Variants in EHMT1 observed in about 807,000 individuals in gnomAD.
EHMT1 encodes histone-lysine N-methyltransferase EHMT1.
A neutral mutation model predicts 147.2 loss-of-function variants in EHMT1; 15 were observed. That is an observed-to-expected ratio of 0.10 (90% CI 0.07 to 0.16). The LOEUF is 0.16. EHMT1 is among the 10% of genes least tolerant of loss of function. EHMT1 has a pLI of 1.00. For synonymous variants in EHMT1, 795 were observed against 709.6 expected (o/e 1.12, Z -1.91); for missense variants, 1,587 against 1,772.4 (o/e 0.90, Z 1.88).
intron 18 of EHMT1, among the ~76,000 whole-genome samples, chr9:137,806,342 C>T (rs565082337): frequency 6.6e-6 from 1 of 152,258 alleles, no homozygotes; most frequent in East Asian, 1.9e-4. Context: ...CGCTTCTCCA[C>T]CTTGGTGGGC....
At chr9:137,746,534 A>G (rs1175967685) in intron 6 of EHMT1, 2 of 152,238 alleles carry the variant, frequency 1.3e-5, no homozygotes, top group East Asian at 3.8e-4. Flanking sequence ...TTGATTTTGA[A>G]TGAATTGATG....
intron 12 of EHMT1, 48 bp from the exon 13 acceptor site, chr9:137,777,834 C>T (rs751839876): frequency 4.4e-6 from 7 of 1,608,066 alleles, no homozygotes; most frequent in Non-Finnish European, 5.9e-6. Context: ...TCGGAACAGG[C>T]CATGTTTCGT....
intron 3 of EHMT1, among the ~76,000 whole-genome samples, chr9:137,727,050 GA>G (rs1203164692): frequency 2.2e-4 from 33 of 152,078 alleles, no homozygotes; most frequent in African/African-American, 7.5e-4. Flanking sequence ...ATGTATTCTG[GA>G]TAATAATTCC....
intron 1 of EHMT1, among the ~76,000 whole-genome samples, chr9:137,691,918 C>A (rs758271695): frequency 6.6e-6 from 1 of 152,196 alleles, no homozygotes; most frequent in Non-Finnish European, 1.5e-5. Flanking sequence ...GGCCCTGGTT[C>A]TCTCATTTCC....
intron 1 of EHMT1, among the ~76,000 whole-genome samples, chr9:137,691,334 T>G (rs990501284): frequency 6.7e-6 from 1 of 149,456 alleles, no homozygotes; most frequent in African/African-American, 2.5e-5. Context: ...TAAAATATAT[T>G]TTTTTTTCTT....
At chr9:137,694,442 C>G (rs985006419) in intron 1 of EHMT1, among the ~76,000 whole-genome samples, 2 of 152,194 alleles carry the variant, frequency 1.3e-5, no homozygotes, top group East Asian at 3.8e-4. Flanking sequence ...GCGCAGGACG[C>G]TGGGACTGGA....
chr9:137,674,213 G>A (rs896619701), intron 1 of EHMT1, among the ~76,000 whole-genome samples: 2 of 152,172 alleles, frequency 1.3e-5, no homozygotes, highest in Admixed American at 6.5e-5. Context: ...GTGGTGGGGC[G>A]AGGGGGGCTG....
At chr9:137,714,097 G>C (rs1944984022) in intron 2 of EHMT1, among the ~76,000 whole-genome samples, 1 of 152,098 alleles carries the variant, frequency 6.6e-6, no homozygotes, top group African/African-American at 2.4e-5. Flanking sequence ...GGCTCATTTG[G>C]TTTCTTCCAT....
chr9:137,628,706 T>C (rs1843424634), intron 1 of EHMT1, among the ~76,000 whole-genome samples: 1 of 152,212 alleles, frequency 6.6e-6, no homozygotes, highest in South Asian at 2.1e-4. Flanking sequence ...GTCGGAAGGT[T>C]CTGGAGTCAT....
At chr9:137,717,741 G>A (rs550238709) in intron 3 of EHMT1, among the ~76,000 whole-genome samples, 4 of 152,212 alleles carry the variant, frequency 2.6e-5, no homozygotes, top group South Asian at 4.1e-4. Context: ...CTGTAGAAAC[G>A]TGTCAGATCC....
intron 1 of EHMT1, among the ~76,000 whole-genome samples, chr9:137,696,448 A>T (rs1943399945): frequency 6.6e-6 from 1 of 152,212 alleles, no homozygotes; most frequent in South Asian, 2.1e-4. Context: ...GCAGATTGGA[A>T]TGTGACATTT....
intron 1 of EHMT1, among the ~76,000 whole-genome samples, chr9:137,675,938 T>G: frequency 6.7e-6 from 1 of 149,130 alleles, no homozygotes; most frequent in African/African-American, 2.5e-5. Flanking sequence ...CGCCCGCCAC[T>G]ACGCCCGGCT....
intron 16 of EHMT1, among the ~76,000 whole-genome samples, chr9:137,798,093 A>G (rs984532925): frequency 3.3e-5 from 5 of 152,214 alleles, no homozygotes; most frequent in East Asian, 3.9e-4. Flanking sequence ...GGTGTTCCCA[A>G]TCTGGGCATG....
chr9:137,716,733 A>G lies in EHMT1; in HGVS notation c.193A>G (p.Ser65Gly). The change falls in exon 3 of 27, where the codon AGT becomes GGT. Residue 65 changes from serine to glycine, a missense_variant. Physicochemically the swap from Ser to Gly is moderately conservative, Grantham distance 56 (BLOSUM62 0). Transcript: ENST00000460843. Reference protein sequence around the residue: ...NGSCENSDASSHANAAKHTQD... With the variant: ...NGSCENSDASGHANAAKHTQD... ...GTCTTGTGAAAACAGCGATGCCAGC[A>G]GTCATGCAAATGCTGCAAAGCACAC... The G allele has an allele frequency of 2.5e-6, 4 of 1,612,490 alleles. No individual in the cohort carries two copies. Among genetic ancestry groups the G allele is most frequent in the South Asian group, 1.1e-5 (1 of 91,092 alleles).
chr9:137,791,844 G>T (rs567658200), intron 16 of EHMT1, among the ~76,000 whole-genome samples: 1 of 152,114 alleles, frequency 6.6e-6, no homozygotes, highest in Non-Finnish European at 1.5e-5. Flanking sequence ...CAATTCTCCT[G>T]CCTCAGCCTC....
intron 6 of EHMT1, chr9:137,745,351 C>T (rs1948453367): frequency 2.6e-6 from 1 of 387,844 alleles, no homozygotes; most frequent in South Asian, 1.4e-4. Flanking sequence ...TTGAATGTTG[C>T]TCCCAGGTTG....
intron 1 of EHMT1, among the ~76,000 whole-genome samples, chr9:137,694,887 A>G (rs911924012): frequency 6.6e-6 from 1 of 152,220 alleles, no homozygotes; most frequent in African/African-American, 2.4e-5. Flanking sequence ...TCGGTCTTGA[A>G]GGAGATGGTA....
chr9:137,711,144 G>A (rs1375747061), intron 2 of EHMT1, 114 bp downstream of exon 2: 1 of 1,113,452 alleles, frequency 9.0e-7, no homozygotes, highest in African/African-American at 1.6e-5. Flanking sequence ...CTTCACCTAG[G>A]TTTATGGTAT....
At chr9:137,754,437 G>A (rs1949220482) in intron 8 of EHMT1, 146 bp downstream of exon 8, 4 of 1,221,270 alleles carry the variant, frequency 3.3e-6, no homozygotes, top group Non-Finnish European at 4.5e-6. Context: ...GACTTTGTTA[G>A]AGAAACTCAA....
Sources: gnomAD v4.1 joint callset for allele counts (sites outside exome capture counted in the v4.1 genomes callset) on GRCh38, gnomAD v4.1.1 for gene constraint, MANE v1.5 for transcripts, NCBI Gene and HGNC (gene_info 2026-07-23, HGNC 2026-07-21) for gene names.